NINL: variants seen among roughly 807,000 people sequenced by gnomAD.
NINL encodes ninein-like protein.
In NINL, 153 loss-of-function variants were observed where a neutral mutation model predicts 160.3. That is an observed-to-expected ratio of 0.95 (90% CI 0.84 to 1.09). The LOEUF (loss-of-function observed/expected upper bound fraction) is 1.09, where lower values mean the gene tolerates loss of function less well. Ranked by LOEUF, NINL falls within the 50% of genes least tolerant of loss-of-function variation. NINL has a pLI of 0.00. For synonymous variants in NINL, 800 were observed against 734.8 expected, an observed-to-expected ratio of 1.09 and a Z score of -1.43; for missense variants, 1,829 against 1,764.0, an observed-to-expected ratio of 1.04 and a Z score of -0.66.
rs185041685 is a variant in NINL, at chr20:25,503,029, T to C, written c.861+923A>G. Among the ~76,000 whole-genome samples the C allele has an allele frequency of 1.8e-3, 269 of 152,352 alleles. 2 individuals carry two copies. The highest frequency in any genetic ancestry group is 0.014 in the Middle Eastern group (4 of 294). Reference sequence around the variant, plus strand: ...GAGGGAGTTTTCTTGCTGGGGCATATCACAGCACAGGCTGAGGAGCTGCCA... The same window carrying C: ...GAGGGAGTTTTCTTGCTGGGGCATACCACAGCACAGGCTGAGGAGCTGCCA... On this transcript the variant is annotated intron_variant, in intron 7 of 23. Transcript: ENST00000278886.
chr20:25,543,278 G>T (rs2064692200), intron 1 of NINL, among the ~76,000 whole-genome samples: 1 of 152,120 alleles, frequency 6.6e-6, no homozygotes, highest in African/African-American at 2.4e-5. Context: ...AGCCGGGTGT[G>T]GTGACTCATG....
chr20:25,453,975 C>T (rs1253712157), intron 23 of NINL, among the ~76,000 whole-genome samples: 1 of 152,062 alleles, frequency 6.6e-6, no homozygotes, highest in Non-Finnish European at 1.5e-5. Context: ...TGGTGTGAAC[C>T]CGGGAGGTGG....
At chr20:25,457,763 G>C (rs970327786) in intron 22 of NINL, among the ~76,000 whole-genome samples, 1 of 152,162 alleles carries the variant, frequency 6.6e-6, no homozygotes, top group Non-Finnish European at 1.5e-5. Flanking sequence ...TCAGACTTTT[G>C]AATTAAACTC....
In NINL at chr20:25,489,387, C is replaced by T. The variant is rs1328989105; in HGVS notation, c.1597-63G>A. ...CGGGCCAGAGGGGGACCTGCTTCTC[C>T]AGCCCCTGGGCTCCAAGAACCTGCC... On this transcript the variant is annotated intron_variant, in intron 12 of 23. Coordinates refer to ENST00000278886, the MANE Select transcript of NINL (RefSeq NM_025176.6). The T allele has an allele frequency of 1.9e-5, 28 of 1,469,590 alleles. No homozygotes were observed. The East Asian group carries it at 2.0e-4, about 11-fold the overall frequency. 91.0% of individuals were successfully genotyped at this position (1,469,590 alleles called of 1,614,324 possible).
At chr20:25,511,532 A>C (rs1453745109) in intron 4 of NINL, among the ~76,000 whole-genome samples, 2 of 152,208 alleles carry the variant, frequency 1.3e-5, no homozygotes, top group Non-Finnish European at 2.9e-5. Context: ...ATCAGGGAGA[A>C]TCTGTGAGTT....
rs958815834 is a variant in NINL, at chr20:25,476,526, T to G, written c.2765A>C (p.Glu922Ala). Residue 922 changes from glutamate (E) to alanine (A), a missense_variant, in exon 17 of 24, where the codon GAG becomes GCG. Coordinates refer to ENST00000278886, the MANE Select transcript of NINL (RefSeq NM_025176.6). Reference protein sequence around the residue: ...CGVDGDIVPKEPEPFGASAAG... With the variant: ...CGVDGDIVPKAPEPFGASAAG... ...TGCGCTCGCGCCGAAAGGCTCTGGC[T>G]CCTTTGGGACAATATCCCCATCCAC... 1 of 1,601,096 alleles carries G rather than the reference T, an allele frequency of 6.2e-7. No individual in the cohort carries two copies. Among genetic ancestry groups the G allele is most frequent in the Non-Finnish European group, 8.5e-7 (1 of 1,179,838 alleles).
At chr20:25,455,450 A>G (rs2090644777) in intron 23 of NINL, among the ~76,000 whole-genome samples, 1 of 152,210 alleles carries the variant, frequency 6.6e-6, no homozygotes, top group African/African-American at 2.4e-5. Context: ...AAATGAACGG[A>G]TGAGTCCTTT....
intron 19 of NINL, 79 bp from the exon 20 acceptor site, chr20:25,462,620 G>A: frequency 8.1e-7 from 1 of 1,235,438 alleles, no homozygotes. Flanking sequence ...CCCATCATTG[G>A]CTATATTTTT....
At chr20:25,523,786 G>C (rs1397217049) in intron 2 of NINL, among the ~76,000 whole-genome samples, 2 of 148,732 alleles carry the variant, frequency 1.3e-5, no homozygotes, top group South Asian at 4.1e-4. Context: ...GGGATTACAG[G>C]TGCGTGCCAC....
intron 10 of NINL, among the ~76,000 whole-genome samples, chr20:25,493,646 G>T (rs1180462242): frequency 6.6e-6 from 1 of 152,144 alleles, no homozygotes; most frequent in East Asian, 1.9e-4. Flanking sequence ...GGGGCCGGGG[G>T]GCATCTTTTG....
chr20:25,574,705 A>T (rs1332569529), intron 1 of NINL, among the ~76,000 whole-genome samples: 1 of 152,196 alleles, frequency 6.6e-6, no homozygotes, highest in Non-Finnish European at 1.5e-5. Flanking sequence ...TTGGCATGGT[A>T]GATAGAGGTG....
rs753550459 is a variant in NINL at position 25,453,474 on chromosome 20, C to G, written c.4126G>C (p.Ala1376Pro). Residue 1376 changes from alanine to proline, a missense_variant, in exon 24 of 24, where the codon GCC becomes CCC. Coordinates refer to ENST00000278886, the MANE Select transcript of NINL (RefSeq NM_025176.6). ...CTTTACACAGAGAGGGCTGCGGGGG[C>G]AATCCTACTGACGAGTTTGTTGAGA... The part of the protein sequence containing the change: ...RALNKLVSRI[A>P]PAALSV 7 of 1,611,578 alleles carry G rather than the reference C, an allele frequency of 4.3e-6. No individual in the cohort carries two copies. The highest frequency in any genetic ancestry group is 4.0e-5 in the African/African-American group (3 of 74,754).
chr20:25,458,537 G>A lies in NINL; in HGVS notation c.3697-8C>T. 2 of 1,581,472 alleles carry A rather than the reference G, an allele frequency of 1.3e-6. No homozygotes were observed. The highest frequency in any genetic ancestry group is 1.7e-6 in the Non-Finnish European group (2 of 1,170,124). ...CAGGTGAGCTCCCTGCACCTGCATGGGGAAGGGGAGACAGCTCTGGTGGGG... is the reference window on the plus strand; with the variant it reads ...CAGGTGAGCTCCCTGCACCTGCATGAGGAAGGGGAGACAGCTCTGGTGGGG... On this transcript the variant is annotated splice_polypyrimidine_tract_variant and splice_region_variant and intron_variant, in intron 21 of 23. Coordinates refer to ENST00000278886, the MANE Select transcript of NINL (RefSeq NM_025176.6).
intron 1 of NINL, among the ~76,000 whole-genome samples, chr20:25,572,693 T>C (rs1387269199): frequency 3.3e-5 from 5 of 152,090 alleles, no homozygotes; most frequent in Non-Finnish European, 7.4e-5. Flanking sequence ...GCATATAAGG[T>C]AGTTTTGATA....
intron 1 of NINL, among the ~76,000 whole-genome samples, chr20:25,565,820 C>A (rs1348836493): frequency 6.6e-6 from 1 of 152,140 alleles, no homozygotes; most frequent in East Asian, 1.9e-4. Flanking sequence ...AGAACAAAAA[C>A]AGAGAAAAGG....
intron 1 of NINL, among the ~76,000 whole-genome samples, chr20:25,539,410 T>C (rs901312273): frequency 7.9e-5 from 12 of 152,240 alleles, no homozygotes; most frequent in Non-Finnish European, 1.3e-4. Flanking sequence ...AGCTCAGGTC[T>C]GGGCAAGTCC....
chr20:25,462,458 T>C lies in NINL; in HGVS notation c.3507A>G (p.Gln1169=). ...LGQEASTHQA[Q]NEEHRVTIQM... ...GAATGGTCACACGATGCTCCTCGTTTTGGGCCTGGTGGGTAGAAGCCTCCT... is the reference window on the plus strand; with the variant it reads ...GAATGGTCACACGATGCTCCTCGTTCTGGGCCTGGTGGGTAGAAGCCTCCT... The change falls in exon 20 of 24, where the codon CAA becomes CAG. Residue 1169 remains glutamine, a synonymous_variant. Coordinates refer to ENST00000278886, the MANE Select transcript of NINL (RefSeq NM_025176.6). The C allele has an allele frequency of 6.2e-7, 1 of 1,614,224 alleles. No individual in the cohort carries two copies. Among genetic ancestry groups the C allele is most frequent in the Admixed American group, 1.7e-5 (1 of 60,022 alleles).
At position 25,482,005 on chromosome 20, in the gene NINL, ATCCGG is replaced by A; in HGVS notation, c.1768_1772del (p.Pro590TrpfsTer19). ...GTCCAGGGAGCTGCCGTCTGCGCCC[ATCCGG>A]GCTCCATGAGGGGCTGTGCCGGTTC... On this transcript the variant is annotated frameshift_variant, in exon 14 of 24. Transcript: ENST00000278886. LOFTEE classifies it high-confidence loss of function. The A allele has an allele frequency of 6.3e-7, 1 of 1,598,436 alleles. No homozygotes were observed. Among genetic ancestry groups the A allele is most frequent in the Non-Finnish European group, 8.5e-7 (1 of 1,179,608 alleles).
At chr20:25,542,605 A>T (rs1310761929) in intron 1 of NINL, among the ~76,000 whole-genome samples, 1 of 151,118 alleles carries the variant, frequency 6.6e-6, no homozygotes, top group Non-Finnish European at 1.5e-5. Flanking sequence ...CAAATAGAGA[A>T]TTCTGAAAGC....
Sources: allele counts gnomAD v4.1 joint callset (sites outside exome capture counted in the v4.1 genomes callset), GRCh38; gene constraint gnomAD v4.1.1; transcripts MANE v1.5; gene names NCBI Gene and HGNC (gene_info 2026-07-23, HGNC 2026-07-21).